The following PCDH9 variants were observed in gnomAD, a reference collection of about 807,000 sequenced individuals.
PCDH9 encodes the protein protocadherin 9, also known as protocadherin-9.
PCDH9 carries 24 observed loss-of-function variants against 70.6 expected under a neutral mutation model. The observed-to-expected ratio is 0.34, with a 90% CI of 0.25 to 0.48. The LOEUF is 0.48. Ranked by LOEUF, PCDH9 falls within the 20% of genes least tolerant of loss-of-function variation. The probability of loss-of-function intolerance (pLI) is 0.99; values close to 1 mark genes in which losing one functional copy is unlikely to be tolerated. For synonymous variants in PCDH9, 562 were observed against 558.5 expected, an observed-to-expected ratio of 1.01 and a Z score of -0.09; for missense variants, 1,281 against 1,503.6, an observed-to-expected ratio of 0.85 and a Z score of 2.45.
At chr13:66,751,454 C>T (rs2079457242) in intron 3 of PCDH9, among the ~76,000 whole-genome samples, 1 of 152,136 alleles carries the variant, frequency 6.6e-6, no homozygotes, top group Non-Finnish European at 1.5e-5. Context: ...AGAAGCCCCT[C>T]CTACTATGAA....
intron 4 of PCDH9, among the ~76,000 whole-genome samples, chr13:66,326,468 G>C (rs1409241837): frequency 6.6e-6 from 1 of 151,258 alleles, no homozygotes; most frequent in Non-Finnish European, 1.5e-5. Context: ...GCCCAGGCTG[G>C]AGTGCAGTGG....
At chr13:66,997,465 C>G (rs978666754) in intron 2 of PCDH9, among the ~76,000 whole-genome samples, 1 of 152,080 alleles carries the variant, frequency 6.6e-6, no homozygotes, top group African/African-American at 2.4e-5. Flanking sequence ...CTCCCATGAC[C>G]CAGACACCAC....
At chr13:67,128,103 T>C (rs1283191414) in intron 2 of PCDH9, among the ~76,000 whole-genome samples, 3 of 152,108 alleles carry the variant, frequency 2.0e-5, no homozygotes, top group African/African-American at 7.2e-5. Context: ...GGAATCAGAA[T>C]TGCAAACACA....
At chr13:66,853,090 T>C (rs1178121745) in intron 3 of PCDH9, among the ~76,000 whole-genome samples, 1 of 151,802 alleles carries the variant, frequency 6.6e-6, no homozygotes, top group East Asian at 1.9e-4. Context: ...ATATAAATTA[T>C]AATTTTAAAA....
Position 66,510,646 on chromosome 13 carries a change from T to A in PCDH9, c.3340+120564A>T, listed in dbSNP as rs887382838. ...TGTCCTTGCGATAGTTTGCTGAGAA[T>A]GATGGTTTCCAGCTTCATCCATGTC... On this transcript the variant is annotated intron_variant, in intron 4 of 4. Transcript: ENST00000377865. Among the ~76,000 whole-genome samples, 4 of 152,156 alleles carry A rather than the reference T, an allele frequency of 2.6e-5. No individual in the cohort carries two copies. The East Asian group carries it at 7.7e-4, about 29-fold the overall frequency.
intron 2 of PCDH9, among the ~76,000 whole-genome samples, chr13:67,172,973 T>A (rs1166420752): frequency 1.3e-5 from 2 of 151,182 alleles, no homozygotes; most frequent in Non-Finnish European, 2.9e-5. Context: ...CAGGACTAAC[T>A]AAAATAATGC....
At chr13:66,455,497 C>A (rs958471635) in intron 4 of PCDH9, among the ~76,000 whole-genome samples, 3 of 152,028 alleles carry the variant, frequency 2.0e-5, no homozygotes, top group Non-Finnish European at 4.4e-5. Context: ...GCCCCAATCA[C>A]TCTTGGAACA....
intron 3 of PCDH9, among the ~76,000 whole-genome samples, chr13:66,733,597 AGTGGC>A (rs2079104550): frequency 6.6e-6 from 1 of 152,036 alleles, no homozygotes; most frequent in African/African-American, 2.4e-5. Context: ...AAATCTGTTA[AGTGGC>A]ATCCAAACAT....
At chr13:66,544,633 C>A (rs1447427486) in intron 4 of PCDH9, among the ~76,000 whole-genome samples, 1 of 151,974 alleles carries the variant, frequency 6.6e-6, no homozygotes, top group Non-Finnish European at 1.5e-5. Flanking sequence ...CAGGTACTTG[C>A]AATTATATGC....
At chr13:66,591,225 A>G (rs1245974338) in intron 4 of PCDH9, among the ~76,000 whole-genome samples, 1 of 151,720 alleles carries the variant, frequency 6.6e-6, no homozygotes, top group Non-Finnish European at 1.5e-5. Flanking sequence ...GACCTAGTTT[A>G]TTGTTTTGCA....
intron 4 of PCDH9, among the ~76,000 whole-genome samples, chr13:66,377,067 T>A (rs1956761875): frequency 6.6e-6 from 1 of 152,158 alleles, no homozygotes; most frequent in Admixed American, 6.6e-5. Flanking sequence ...GGAGAGAATT[T>A]GTGTTTTGGT....
chr13:66,845,442 A>G (rs2081191169), intron 3 of PCDH9, among the ~76,000 whole-genome samples: 1 of 152,212 alleles, frequency 6.6e-6, no homozygotes, highest in South Asian at 2.1e-4. Flanking sequence ...AAGCAGCAGG[A>G]CCAGGCATTT....
chr13:66,545,926 C>T (rs1011395613), intron 4 of PCDH9, among the ~76,000 whole-genome samples: 4 of 151,630 alleles, frequency 2.6e-5, no homozygotes, highest in South Asian at 2.1e-4. Context: ...GCAAGCTCCA[C>T]TTCCCGGGTT....
intron 3 of PCDH9, among the ~76,000 whole-genome samples, chr13:66,631,856 A>G (rs1441578386): frequency 6.6e-6 from 1 of 152,190 alleles, no homozygotes; most frequent in Non-Finnish European, 1.5e-5. Flanking sequence ...TAACATTTGT[A>G]GTCAACATAT....
intron 2 of PCDH9, among the ~76,000 whole-genome samples, chr13:67,103,538 C>T (rs1429694162): frequency 6.6e-6 from 1 of 152,176 alleles, no homozygotes; most frequent in African/African-American, 2.4e-5. Flanking sequence ...TTCAAACCTG[C>T]TAACAATGTT....
At chr13:66,622,717 C>T (rs1374492510) in intron 4 of PCDH9, among the ~76,000 whole-genome samples, 3 of 152,156 alleles carry the variant, frequency 2.0e-5, no homozygotes, top group African/African-American at 4.8e-5. Context: ...CTGGTCTCTA[C>T]CAATCAGCAG....
At chr13:66,964,885 C>T (rs1310885899) in intron 2 of PCDH9, among the ~76,000 whole-genome samples, 2 of 151,950 alleles carry the variant, frequency 1.3e-5, no homozygotes, top group Non-Finnish European at 2.9e-5. Context: ...GAATTACACA[C>T]TTTGTATCTG....
intron 2 of PCDH9, among the ~76,000 whole-genome samples, chr13:67,200,669 C>G (rs576783236): frequency 6.6e-6 from 1 of 152,106 alleles, no homozygotes; most frequent in Admixed American, 6.6e-5. Flanking sequence ...ATTTTCTCCA[C>G]GTCACCTCCT....
intron 3 of PCDH9, among the ~76,000 whole-genome samples, chr13:66,848,786 G>A (rs1022970814): frequency 2.0e-5 from 3 of 151,868 alleles, no homozygotes; most frequent in African/African-American, 7.3e-5. Flanking sequence ...AAATTAGCCG[G>A]GCAGGGTGGC....
Sources: allele counts gnomAD v4.1 joint callset (sites outside exome capture counted in the v4.1 genomes callset), GRCh38; gene constraint gnomAD v4.1.1; transcripts MANE v1.5; gene names NCBI Gene and HGNC (gene_info 2026-07-23, HGNC 2026-07-21).